The following TMEFF1 variants were observed in gnomAD, a reference collection of about 807,000 sequenced individuals.
TMEFF1 encodes tomoregulin-1.
In TMEFF1, 20 loss-of-function variants were observed where a neutral mutation model predicts 47.5. The observed-to-expected ratio is 0.42, with a 90% CI of 0.30 to 0.61. TMEFF1 has a LOEUF of 0.61. Among genes scored for constraint, TMEFF1 ranks in the 20% least tolerant of loss-of-function variants. The pLI is 0.19. For missense variants in TMEFF1, 411 were observed against 471.1 expected, an observed-to-expected ratio of 0.87 and a Z score of 1.18; for synonymous variants, 162 against 166.3, an observed-to-expected ratio of 0.97 and a Z score of 0.20.
intron 5 of TMEFF1, among the ~76,000 whole-genome samples, chr9:100,530,886 C>A (rs1056587101): frequency 6.6e-6 from 1 of 152,158 alleles, no homozygotes; most frequent in African/African-American, 2.4e-5. Context: ...AGCTTATCCA[C>A]CATGGTCAAG....
At chr9:100,517,771 T>C (rs1838098486) in intron 5 of TMEFF1, among the ~76,000 whole-genome samples, 1 of 152,232 alleles carries the variant, frequency 6.6e-6, no homozygotes, top group Non-Finnish European at 1.5e-5. Context: ...GTGGTTTGAT[T>C]TGGAAGAACA....
intron 2 of TMEFF1, 91 bp from the exon 3 acceptor site, chr9:100,508,914 T>C: frequency 1.5e-6 from 2 of 1,329,650 alleles, no homozygotes; most frequent in Non-Finnish European, 1.9e-6. Flanking sequence ...GCGAAGTATG[T>C]CATAATGCTA....
At chr9:100,492,830 G>T (rs1264612950) in intron 1 of TMEFF1, among the ~76,000 whole-genome samples, 1 of 152,042 alleles carries the variant, frequency 6.6e-6, no homozygotes, top group African/African-American at 2.4e-5. Context: ...ATAGGAAGAA[G>T]GAGGAAGTGA....
chr9:100,478,156 G>A (rs752874466), intron 1 of TMEFF1, among the ~76,000 whole-genome samples: 22 of 152,146 alleles, frequency 1.4e-4, no homozygotes, highest in Non-Finnish European at 2.8e-4. Flanking sequence ...TACCTTAGAA[G>A]CTGGTTTCCT....
intron 1 of TMEFF1, among the ~76,000 whole-genome samples, chr9:100,478,342 C>G (rs1171451659): frequency 1.3e-5 from 2 of 152,112 alleles, no homozygotes; most frequent in African/African-American, 4.8e-5. Context: ...TTGTTTGAGA[C>G]AGGATCTCAT....
chr9:100,506,072 TG>T (rs1186907790), intron 2 of TMEFF1, among the ~76,000 whole-genome samples: 1 of 152,234 alleles, frequency 6.6e-6, no homozygotes, highest in Non-Finnish European at 1.5e-5. Flanking sequence ...TGTAAGATTC[TG>T]CTGATACTGA....
intron 1 of TMEFF1, among the ~76,000 whole-genome samples, chr9:100,493,229 C>G (rs1226565811): frequency 6.6e-6 from 1 of 152,148 alleles, no homozygotes; most frequent in Non-Finnish European, 1.5e-5. Flanking sequence ...AAAGAATTAT[C>G]TGGTTCCAAA....
chr9:100,529,739 G>A (rs993934993), intron 5 of TMEFF1, among the ~76,000 whole-genome samples: 54 of 152,054 alleles, frequency 3.6e-4, no homozygotes, highest in East Asian at 1.4e-3. Context: ...TGCACCAAGC[G>A]GACCTAATAG....
chr9:100,485,179 TTATC>T (rs558682709), intron 1 of TMEFF1, among the ~76,000 whole-genome samples: 224 of 152,360 alleles, frequency 1.5e-3, no homozygotes, highest in African/African-American at 5.1e-3. Flanking sequence ...CACATTTTGT[TTATC>T]CATTCAGTAT....
intron 2 of TMEFF1, among the ~76,000 whole-genome samples, chr9:100,504,698 T>C (rs1837823917): frequency 6.6e-6 from 1 of 152,236 alleles, no homozygotes; most frequent in Admixed American, 6.5e-5. Flanking sequence ...TGCTAGCCCA[T>C]AGTCACATGG....
intron 1 of TMEFF1, among the ~76,000 whole-genome samples, chr9:100,475,689 G>A (rs967146898): frequency 1.3e-5 from 2 of 151,558 alleles, no homozygotes; most frequent in African/African-American, 4.9e-5. Flanking sequence ...ATACCCTTGA[G>A]GATGTGGGTT....
At chr9:100,516,533 A>G in intron 4 of TMEFF1, 142 bp from the exon 5 acceptor site, 3 of 1,065,746 alleles carry the variant, frequency 2.8e-6, no homozygotes, top group Non-Finnish European at 3.9e-6. Flanking sequence ...AACTTCAAGC[A>G]TTGGTAGATT....
intron 1 of TMEFF1, among the ~76,000 whole-genome samples, chr9:100,483,618 A>G (rs1400740854): frequency 6.6e-6 from 1 of 152,208 alleles, no homozygotes; most frequent in Non-Finnish European, 1.5e-5. Context: ...CTCAGTCTCC[A>G]TGTTATATTA....
At position 100,527,122 on chromosome 9, in the gene TMEFF1, G is replaced by A. The variant is rs1397931720; in HGVS notation, c.560+10351G>A. On this transcript the variant is annotated intron_variant, in intron 5 of 9. Coordinates refer to ENST00000374879, the MANE Select transcript of TMEFF1 (RefSeq NM_003692.5). ...CGCGCCACTGCACTCCAGCCTGGGC[G>A]ACAGAGTGAAACTCTGTCTTAAAAA... Among the ~76,000 whole-genome samples, 3 of 151,436 alleles carry A rather than the reference G, an allele frequency of 2.0e-5. No individual in the cohort carries two copies. The East Asian group carries it at 5.8e-4, about 29-fold the overall frequency.
intron 1 of TMEFF1, among the ~76,000 whole-genome samples, chr9:100,493,457 G>C (rs1189760898): frequency 6.6e-6 from 1 of 152,166 alleles, no homozygotes; most frequent in African/African-American, 2.4e-5. Flanking sequence ...GCCAGAAGTT[G>C]GGAATTTGGG....
chr9:100,473,512 C>T lies in TMEFF1; in HGVS notation c.-33C>T, dbSNP rs1015263949. 2 of 1,383,682 alleles carry T rather than the reference C, an allele frequency of 1.4e-6. No individual in the cohort carries two copies. The highest frequency in any genetic ancestry group is 1.5e-5 in the African/African-American group (1 of 65,598). 85.7% of individuals were successfully genotyped at this position (1,383,682 alleles called of 1,614,324 possible). A position where few individuals can be genotyped will look rare whatever the true frequency, so the allele number is the denominator to read the frequency against. ...GGCTGGATGCCCCCGGCCTGCGGCT[C>T]CCTGCGCTTCCCGCCGTCCAGGGGC... On this transcript the variant is annotated 5_prime_UTR_variant, in exon 1 of 10. Coordinates refer to ENST00000374879, the MANE Select transcript of TMEFF1 (RefSeq NM_003692.5). This position sits in a 1 kb window ranked among gnomAD's most constrained non-coding sequence, Gnocchi z 5.4.
At chr9:100,474,915 G>A (rs942449580) in intron 1 of TMEFF1, among the ~76,000 whole-genome samples, 1 of 152,186 alleles carries the variant, frequency 6.6e-6, no homozygotes, top group Non-Finnish European at 1.5e-5. Context: ...AGGCGCACAA[G>A]GATTATGGCC....
At chr9:100,550,311 A>G in intron 7 of TMEFF1, 151 bp downstream of exon 7, 1 of 637,114 alleles carries the variant, frequency 1.6e-6, no homozygotes. Flanking sequence ...ATTAATAGTA[A>G]CAGAAACAGC....
At chr9:100,571,468 A>T (rs1839238443) in intron 8 of TMEFF1, among the ~76,000 whole-genome samples, 1 of 152,198 alleles carries the variant, frequency 6.6e-6, no homozygotes, top group Admixed American at 6.5e-5. Context: ...GTAGATTTTA[A>T]GTGTTCTCAC....
Sources: allele counts gnomAD v4.1 joint callset (sites outside exome capture counted in the v4.1 genomes callset), GRCh38; gene constraint gnomAD v4.1.1; non-coding constraint Gnocchi (gnomAD v3.1); transcripts MANE v1.5; gene names NCBI Gene and HGNC (gene_info 2026-07-23, HGNC 2026-07-21).